PADI4: variants seen among roughly 807,000 people sequenced by gnomAD.
PADI4 encodes the protein peptidyl arginine deiminase 4.
In PADI4, 62 loss-of-function variants were observed where a neutral mutation model predicts 75.0. The ratio of observed to expected loss-of-function variants is 0.83; its 90% CI spans 0.67 to 1.02. The LOEUF is 1.02. Ranked by LOEUF, PADI4 falls within the 50% of genes least tolerant of loss-of-function variation. PADI4 has a pLI of 0.00. For missense variants in PADI4, 845 were observed against 850.5 expected, an observed-to-expected ratio of 0.99 and a Z score of 0.08; for synonymous variants, 361 against 348.1, an observed-to-expected ratio of 1.04 and a Z score of -0.41.
intron 9 of PADI4, 32 bp from the exon 10 acceptor site, chr1:17,347,909 C>A: frequency 7.5e-7 from 1 of 1,336,338 alleles, no homozygotes. Flanking sequence ...AGGCAGCACG[C>A]GCAACAGCCT....
chr1:17,315,592 C>T (rs766095755), intron 1 of PADI4, among the ~76,000 whole-genome samples: 12 of 152,004 alleles, frequency 7.9e-5, no homozygotes, highest in Non-Finnish European at 1.3e-4. Flanking sequence ...GCCCCTACAT[C>T]CCAGGCCACT....
Position 17,354,449 on chromosome 1 carries a change from A to G in PADI4, c.1156-84A>G, listed in dbSNP as rs1570091486. 5.0e-6 allele frequency: 6 copies of G among 1,209,280 alleles called. 1 individual carries two copies. In the Admixed American group the frequency reaches 1.0e-4, roughly 20 times the overall value. The allele number at this position is 1,209,280 out of a possible 1,614,324, so 74.9% of individuals were successfully genotyped here. ...GGTACTGAGTTACTTCCTGTGCCCA[A>G]GTTCATCTCTAAACTTGGACCCCCC... On this transcript the variant is annotated intron_variant, in intron 10 of 15. Transcript: ENST00000375448.
chr1:17,311,965 A>G (rs1196525323), intron 1 of PADI4, among the ~76,000 whole-genome samples: 1 of 152,224 alleles, frequency 6.6e-6, no homozygotes, highest in Non-Finnish European at 1.5e-5. Context: ...ATTGAATTAT[A>G]TAATGCACAC....
At chr1:17,321,059 C>A (rs2074024237) in intron 1 of PADI4, among the ~76,000 whole-genome samples, 1 of 152,130 alleles carries the variant, frequency 6.6e-6, no homozygotes, top group South Asian at 2.1e-4. Flanking sequence ...TTTGGGAGAC[C>A]ATTGTTCTGC....
intron 1 of PADI4, among the ~76,000 whole-genome samples, chr1:17,328,719 G>A (rs959246687): frequency 6.6e-6 from 1 of 151,650 alleles, no homozygotes; most frequent in African/African-American, 2.4e-5. Context: ...TTTAATCAAG[G>A]ACCTCAAAAT....
chr1:17,315,435 C>T (rs1177150000), intron 1 of PADI4, among the ~76,000 whole-genome samples: 1 of 152,114 alleles, frequency 6.6e-6, no homozygotes, highest in Non-Finnish European at 1.5e-5. Flanking sequence ...TGGCACTCAG[C>T]TATCATGAAA....
chr1:17,333,013 T>C (rs1421887921), intron 2 of PADI4, among the ~76,000 whole-genome samples: 3 of 151,816 alleles, frequency 2.0e-5, no homozygotes, highest in African/African-American at 7.3e-5. Context: ...GAACAGGAGG[T>C]GAAGGAGTCA....
intron 1 of PADI4, among the ~76,000 whole-genome samples, chr1:17,310,972 C>T (rs2073813784): frequency 6.6e-6 from 1 of 152,120 alleles, no homozygotes; most frequent in Non-Finnish European, 1.5e-5. Flanking sequence ...TAGCACGCAG[C>T]TATAGTCCCA....
At chr1:17,357,237 G>A (rs776181860) in intron 13 of PADI4, among the ~76,000 whole-genome samples, 3 of 152,200 alleles carry the variant, frequency 2.0e-5, no homozygotes, top group East Asian at 3.9e-4. Flanking sequence ...GCGCGATCTC[G>A]ACTCTCTGCA....
intron 13 of PADI4, among the ~76,000 whole-genome samples, chr1:17,357,925 A>G (rs1311010101): frequency 2.1e-5 from 2 of 96,826 alleles, no homozygotes; most frequent in Non-Finnish European, 4.0e-5. Context: ...AGCAAGACTC[A>G]GTCTCAAAAA....
chr1:17,318,639 T>G (rs1382614297), intron 1 of PADI4, among the ~76,000 whole-genome samples: 1 of 152,162 alleles, frequency 6.6e-6, no homozygotes, highest in Admixed American at 6.5e-5. Context: ...TATTTTCACC[T>G]TTTGCCGTTC....
chr1:17,335,788 G>A (rs924911004), intron 3 of PADI4, among the ~76,000 whole-genome samples: 4 of 152,210 alleles, frequency 2.6e-5, no homozygotes, highest in Admixed American at 6.5e-5. Flanking sequence ...AGAGTCTTTC[G>A]AGAGGCTGGC....
At chr1:17,336,309 C>A in intron 4 of PADI4, 83 bp downstream of exon 4, 1 of 920,624 alleles carries the variant, frequency 1.1e-6, no homozygotes, top group Non-Finnish European at 1.8e-6. Context: ...CAAATGCTGG[C>A]CTGTCCCACG....
intron 5 of PADI4, 45 bp from the exon 6 acceptor site, chr1:17,339,643 C>T (rs746361389): frequency 8.7e-6 from 14 of 1,606,378 alleles, no homozygotes; most frequent in South Asian, 2.2e-5. Context: ...AAACCAGCAG[C>T]GGTCTCAGGG....
intron 3 of PADI4, among the ~76,000 whole-genome samples, chr1:17,335,156 T>C (rs4920367): frequency 8.6e-5 from 8 of 92,822 alleles, no homozygotes; most frequent in Non-Finnish European, 1.5e-4. Context: ...AATATATATA[T>C]ACACACACAT....
intron 10 of PADI4, among the ~76,000 whole-genome samples, chr1:17,352,104 T>G (rs67858127): frequency 0.086 from 5,826 of 68,124 alleles, 440 homozygotes; most frequent in African/African-American, 0.19. Context: ...TGGGAGGTGG[T>G]AGGAGAGACT....
chr1:17,353,128 T>G (rs548883190), intron 10 of PADI4, among the ~76,000 whole-genome samples: 3 of 152,102 alleles, frequency 2.0e-5, no homozygotes, highest in Non-Finnish European at 4.4e-5. Context: ...GTCTGGGTTT[T>G]AGAGAGAAGT....
At chr1:17,339,644 G>A (rs1635577) in intron 5 of PADI4, 44 bp from the exon 6 acceptor site, 145,703 of 1,606,176 alleles carry the variant, frequency 0.091, 7,038 homozygotes, top group African/African-American at 0.1. Flanking sequence ...AACCAGCAGC[G>A]GTCTCAGGGC....
intron 5 of PADI4, among the ~76,000 whole-genome samples, chr1:17,338,809 G>T (rs74702744): frequency 5.9e-5 from 9 of 152,282 alleles, no homozygotes; most frequent in East Asian, 3.9e-4. Context: ...ATCCACCTGC[G>T]CTGGAGGAAG....
Sources: gnomAD v4.1 joint callset for allele counts (sites outside exome capture counted in the v4.1 genomes callset) on GRCh38, gnomAD v4.1.1 for gene constraint, MANE v1.5 for transcripts, NCBI Gene and HGNC (gene_info 2026-07-23, HGNC 2026-07-21) for gene names.